The following COL23A1 variants were observed in gnomAD, a reference collection of about 807,000 sequenced individuals.
COL23A1 encodes collagen alpha-1(XXIII) chain.
COL23A1 carries 97 observed loss-of-function variants against 99.3 expected under a neutral mutation model. The observed-to-expected ratio is 0.98, with a 90% CI of 0.83 to 1.16. The LOEUF (loss-of-function observed/expected upper bound fraction) is 1.16, where lower values mean the gene tolerates loss of function less well. Ranked by LOEUF, COL23A1 falls within the 50% of genes most tolerant of loss-of-function variation. The pLI, the probability that COL23A1 is intolerant of heterozygous loss-of-function variation, is 0.00. For missense variants in COL23A1, 762 were observed against 757.4 expected, an observed-to-expected ratio of 1.01 and a Z score of -0.07; for synonymous variants, 320 against 308.2, an observed-to-expected ratio of 1.04 and a Z score of -0.40.
chr5:178,325,752 G>A (rs1759614213), intron 2 of COL23A1, among the ~76,000 whole-genome samples: 1 of 152,246 alleles, frequency 6.6e-6, no homozygotes, highest in African/African-American at 2.4e-5. Flanking sequence ...CAGGACCAAG[G>A]TGGACATTCA....
chr5:178,263,469 T>C (rs1765748740), intron 8 of COL23A1, 145 bp from the exon 9 acceptor site: 1 of 603,464 alleles, frequency 1.7e-6, no homozygotes, highest in Non-Finnish European at 2.9e-6. Flanking sequence ...ATTGGGCCTC[T>C]TGCCACTTAT....
intron 2 of COL23A1, chr5:178,345,431 G>T (rs56296010): frequency 0.19 from 46,379 of 240,252 alleles, 5,141 homozygotes; most frequent in African/African-American, 0.32. Flanking sequence ...AAACACACTT[G>T]TTCTATAGAG....
chr5:178,344,695 C>G, intron 2 of COL23A1: 1 of 293,224 alleles, frequency 3.4e-6, no homozygotes, highest in Non-Finnish European at 6.5e-6. Context: ...CCATTTTTTC[C>G]TAATATGTTT....
intron 8 of COL23A1, among the ~76,000 whole-genome samples, chr5:178,266,026 G>A (rs1309017872): frequency 6.6e-6 from 1 of 152,130 alleles, no homozygotes; most frequent in Non-Finnish European, 1.5e-5. Flanking sequence ...GGCAATTGGA[G>A]TCTTAAGCCA....
chr5:178,257,434 C>T (rs1581465897), intron 13 of COL23A1, 89 bp downstream of exon 13: 2 of 1,459,788 alleles, frequency 1.4e-6, no homozygotes, highest in East Asian at 4.9e-5. Flanking sequence ...ACCCGTGGTG[C>T]CAAAGGTCCA....
intron 2 of COL23A1, among the ~76,000 whole-genome samples, chr5:178,500,969 C>T (rs902121165): frequency 5.9e-5 from 9 of 152,172 alleles, no homozygotes; most frequent in African/African-American, 2.2e-4. Flanking sequence ...CATGACTTCT[C>T]GACTAAGGAT....
intron 1 of COL23A1, among the ~76,000 whole-genome samples, chr5:178,580,764 A>G (rs1763623830): frequency 6.6e-6 from 1 of 152,216 alleles, no homozygotes; most frequent in Non-Finnish European, 1.5e-5. Flanking sequence ...TCATGCCTGT[A>G]ATCTCAACAC....
intron 2 of COL23A1, among the ~76,000 whole-genome samples, chr5:178,319,715 G>A (rs1759183886): frequency 6.6e-6 from 1 of 152,248 alleles, no homozygotes; most frequent in South Asian, 2.1e-4. Context: ...GCATGGCCCA[G>A]TTTTAACTTC....
chr5:178,357,765 T>C (rs1761758324), intron 2 of COL23A1, among the ~76,000 whole-genome samples: 1 of 122,402 alleles, frequency 8.2e-6, no homozygotes, highest in African/African-American at 3.4e-5. Context: ...TGTGTACGTG[T>C]ATGTATGTGT....
At chr5:178,513,737 T>A (rs1759347037) in intron 2 of COL23A1, among the ~76,000 whole-genome samples, 1 of 152,072 alleles carries the variant, frequency 6.6e-6, no homozygotes, top group Non-Finnish European at 1.5e-5. Flanking sequence ...TAATTGAGGG[T>A]GGATCCCAGC....
In COL23A1 at chr5:178,366,932, T is replaced by C. The variant is rs552390071; in HGVS notation, c.362-60013A>G. On this transcript the variant is annotated intron_variant, in intron 2 of 28. Transcript: ENST00000390654. The surrounding 1 kb of genome is among the most constrained non-coding windows in gnomAD (Gnocchi z 4.4). ...GCCTTCCTGGCCACACCAGATGGGC[T>C]GTGCTTTCTTCACCTCTGCATTCCA... Among the ~76,000 whole-genome samples the C allele has an allele frequency of 6.6e-6, 1 of 152,326 alleles. No homozygotes were observed. The highest frequency in any genetic ancestry group is 2.1e-4 in the South Asian group (1 of 4,826).
chr5:178,259,650 C>T, intron 12 of COL23A1, 71 bp downstream of exon 12: 1 of 1,332,448 alleles, frequency 7.5e-7, no homozygotes, highest in Non-Finnish European at 1.0e-6. Flanking sequence ...CCCATTCCGT[C>T]CCAGCCCCTG....
intron 2 of COL23A1, among the ~76,000 whole-genome samples, chr5:178,480,818 C>A (rs1562009581): frequency 1.3e-5 from 2 of 152,032 alleles, no homozygotes; most frequent in Non-Finnish European, 1.5e-5. Context: ...TATAATATGT[C>A]AGGGATATCC....
At chr5:178,422,947 T>C (rs1188504176) in intron 2 of COL23A1, among the ~76,000 whole-genome samples, 1 of 152,052 alleles carries the variant, frequency 6.6e-6, no homozygotes. Context: ...AAAGTACAGT[T>C]TGAATTTTGA....
chr5:178,571,898 T>C (rs1763117823), intron 1 of COL23A1, among the ~76,000 whole-genome samples: 1 of 151,688 alleles, frequency 6.6e-6, no homozygotes, highest in Non-Finnish European at 1.5e-5. Flanking sequence ...TGAAACCCCG[T>C]CTCTACTAAA....
chr5:178,238,767 C>G, intron 28 of COL23A1, 67 bp from the exon 29 acceptor site: 1 of 1,597,736 alleles, frequency 6.3e-7, no homozygotes, highest in African/African-American at 1.3e-5. Context: ...TCCAGGCCAC[C>G]TTGCCTGGCC....
chr5:178,475,507 G>A (rs143461176), intron 2 of COL23A1, among the ~76,000 whole-genome samples: 1 of 152,294 alleles, frequency 6.6e-6, no homozygotes, highest in Non-Finnish European at 1.5e-5. Flanking sequence ...ATAAATGCTT[G>A]CTTTGTAAGC....
At chr5:178,343,604 G>T (rs181493427) in intron 2 of COL23A1, among the ~76,000 whole-genome samples, 3 of 151,918 alleles carry the variant, frequency 2.0e-5, no homozygotes, top group African/African-American at 7.2e-5. Flanking sequence ...TCCGTGCATG[G>T]GAGTTCATGA....
At position 178,242,075 on chromosome 5, in the gene COL23A1, C is replaced by A; in HGVS notation, c.1548G>T (p.Pro516=). 6.4e-7 allele frequency: 1 copy of A among 1,553,986 alleles called. No individual in the cohort carries two copies. Among genetic ancestry groups the A allele is most frequent in the East Asian group, 2.4e-5 (1 of 41,148 alleles). The change falls in exon 27 of 29, where the codon CCG becomes CCT. Residue 516 remains proline, a synonymous_variant. Coordinates refer to ENST00000390654, the MANE Select transcript of COL23A1 (RefSeq NM_173465.4). ...RKGVKGQKGE[P]GPPGLDQPCP... ...ACGGCTGGTCCAGGCCTGGTGGTCC[C>A]GGCTCGCCCTTCTGGCCCTTCACTC...
Sources: allele counts gnomAD v4.1 joint callset (sites outside exome capture counted in the v4.1 genomes callset), GRCh38; gene constraint gnomAD v4.1.1; non-coding constraint Gnocchi (gnomAD v3.1); transcripts MANE v1.5; gene names NCBI Gene and HGNC (gene_info 2026-07-23, HGNC 2026-07-21).